Variants in MACROD2 observed in about 807,000 individuals in gnomAD.
MACROD2 encodes the protein mono-ADP ribosylhydrolase 2, also known as ADP-ribose glycohydrolase MACROD2.
In MACROD2, 36 loss-of-function variants were observed where a neutral mutation model predicts 70.4. The ratio of observed to expected loss-of-function variants is 0.51; its 90% CI spans 0.39 to 0.68. The LOEUF is 0.68. MACROD2 is among the 30% of genes least tolerant of loss of function. The pLI is 0.00. For missense variants in MACROD2, 496 were observed against 538.4 expected (o/e 0.92, Z 0.78); for synonymous variants, 172 against 178.8 (o/e 0.96, Z 0.30).
chr20:14,281,273 G>A (rs944641757), intron 3 of MACROD2, among the ~76,000 whole-genome samples: 8 of 152,168 alleles, frequency 5.3e-5, no homozygotes, highest in African/African-American at 1.9e-4. Flanking sequence ...ATTTATTACA[G>A]TATGGATAAA....
chr20:14,119,885 G>GATATGAACCAT (rs1383833124), intron 3 of MACROD2, among the ~76,000 whole-genome samples: 1 of 152,032 alleles, frequency 6.6e-6, no homozygotes, highest in East Asian at 1.9e-4. Flanking sequence ...CCCCATCTAG[G>GATATGAACCAT]CAAAGGATAT....
At chr20:15,499,979 T>G in intron 8 of MACROD2, 132 bp downstream of exon 8, 1 of 741,466 alleles carries the variant, frequency 1.3e-6, no homozygotes, top group Non-Finnish European at 2.2e-6. Context: ...CTGACCATTC[T>G]TCACTTGGGT....
intron 10 of MACROD2, among the ~76,000 whole-genome samples, chr20:15,912,285 C>T (rs1311552885): frequency 6.6e-6 from 1 of 152,192 alleles, no homozygotes; most frequent in Non-Finnish European, 1.5e-5. Context: ...TGTTCAATTG[C>T]TGTCCAATTT....
At chr20:14,861,062 G>A (rs1220861624) in intron 5 of MACROD2, among the ~76,000 whole-genome samples, 1 of 152,014 alleles carries the variant, frequency 6.6e-6, no homozygotes, top group East Asian at 1.9e-4. Context: ...GCCTAACAAA[G>A]GATCACAATA....
intron 3 of MACROD2, among the ~76,000 whole-genome samples, chr20:14,166,200 A>G (rs746285788): frequency 2.0e-5 from 3 of 152,180 alleles, no homozygotes; most frequent in Non-Finnish European, 4.4e-5. Flanking sequence ...TGATGGTCAT[A>G]GGCTTCTGAA....
chr20:15,478,206 T>G (rs974686108), intron 7 of MACROD2, among the ~76,000 whole-genome samples: 6 of 152,156 alleles, frequency 3.9e-5, no homozygotes, highest in Admixed American at 3.9e-4. Flanking sequence ...TGAGAAACCA[T>G]ATGGACCAGG....
At chr20:14,183,823 CAT>C (rs754223198) in intron 3 of MACROD2, among the ~76,000 whole-genome samples, 1 of 152,118 alleles carries the variant, frequency 6.6e-6, no homozygotes, top group Non-Finnish European at 1.5e-5. Context: ...TTGTTGGCTG[CAT>C]ATATGTCTTC....
intron 6 of MACROD2, among the ~76,000 whole-genome samples, chr20:15,406,933 C>A (rs995462929): frequency 6.6e-6 from 1 of 152,122 alleles, no homozygotes; most frequent in Non-Finnish European, 1.5e-5. Flanking sequence ...GCATGGTTGG[C>A]ACAAAGACCC....
chr20:15,688,282 G>A lies in MACROD2; in HGVS notation c.646-174463G>A, dbSNP rs531628573. 5.3e-5 allele frequency among the ~76,000 whole-genome samples: 8 copies of A among 152,060 alleles called. No homozygotes were observed. The East Asian group carries it at 5.8e-4, about 11-fold the overall frequency. On this transcript the variant is annotated intron_variant, in intron 8 of 17. Coordinates refer to ENST00000684519, the MANE Select transcript of MACROD2 (RefSeq NM_001351661.2). ...ATTTGCATTTTCTGAGGTTTCTGTC[G>A]TACCATACTCTGAATCTTCCTCAAA...
In MACROD2 at chr20:15,934,909, G is replaced by A. The variant is rs753751936; in HGVS notation, c.838+1571G>A. On this transcript the variant is annotated intron_variant, in intron 11 of 17. Transcript: ENST00000684519. ...GACAGGGTTTCACCATGTTGGTCTC[G>A]AATTCCTGATCTCAAGTGATCTGCC... Among the ~76,000 whole-genome samples the A allele has an allele frequency of 2.0e-5, 3 of 151,858 alleles. No individual in the cohort carries two copies. In the East Asian group the frequency reaches 5.8e-4, roughly 29 times the overall value.
intron 12 of MACROD2, among the ~76,000 whole-genome samples, chr20:15,958,546 A>T (rs968340931): frequency 1.3e-5 from 2 of 152,190 alleles, no homozygotes; most frequent in African/African-American, 4.8e-5. Flanking sequence ...CCCATTTCCA[A>T]ATCTATTCTG....
intron 5 of MACROD2, among the ~76,000 whole-genome samples, chr20:14,985,478 G>C (rs1775606731): frequency 6.6e-6 from 1 of 152,062 alleles, no homozygotes; most frequent in Non-Finnish European, 1.5e-5. Context: ...GGTGTGTAGA[G>C]GAAGCTCTGC....
intron 4 of MACROD2, among the ~76,000 whole-genome samples, chr20:14,623,223 G>A (rs887852177): frequency 2.6e-5 from 4 of 151,910 alleles, no homozygotes; most frequent in African/African-American, 9.7e-5. Flanking sequence ...CCATCAGGCT[G>A]ATATCTAGGG....
At chr20:15,987,190 A>G in intron 15 of MACROD2, 32 bp downstream of exon 15, 1 of 1,517,646 alleles carries the variant, frequency 6.6e-7, no homozygotes, top group East Asian at 2.3e-5. Flanking sequence ...CCCATCAAGA[A>G]TGGAGAGTTT....
chr20:15,834,247 C>T lies in MACROD2; in HGVS notation c.646-28498C>T, dbSNP rs969569464. Among the ~76,000 whole-genome samples, 11 of 152,060 alleles carry T rather than the reference C, an allele frequency of 7.2e-5. No individual in the cohort carries two copies. The East Asian group carries it at 1.5e-3, about 21-fold the overall frequency. Reference sequence around the variant, plus strand: ...CCCAGCTACTCGGGAGGCTGAGGCACGAGAATCCCTCGAACCCAGGAGGCA... The same window carrying T: ...CCCAGCTACTCGGGAGGCTGAGGCATGAGAATCCCTCGAACCCAGGAGGCA... On this transcript the variant is annotated intron_variant, in intron 8 of 17. Transcript: ENST00000684519.
chr20:14,317,780 GA>G (rs541626389), intron 3 of MACROD2, among the ~76,000 whole-genome samples: 144 of 152,180 alleles, frequency 9.5e-4, no homozygotes, highest in African/African-American at 3.3e-3. Flanking sequence ...ATGACCTTTC[GA>G]AGTCTTAATT....
At chr20:15,148,429 T>C (rs962513739) in intron 5 of MACROD2, among the ~76,000 whole-genome samples, 6 of 152,068 alleles carry the variant, frequency 3.9e-5, no homozygotes, top group African/African-American at 1.5e-4. Flanking sequence ...CAGCATAGCC[T>C]TGCCAGCAAA....
chr20:15,592,442 G>T (rs946847981), intron 8 of MACROD2, among the ~76,000 whole-genome samples: 3 of 152,178 alleles, frequency 2.0e-5, no homozygotes, highest in African/African-American at 7.2e-5. Context: ...CTGAAATTAG[G>T]CAGGAAGGCC....
At chr20:15,001,956 C>A (rs1404464088) in intron 5 of MACROD2, among the ~76,000 whole-genome samples, 1 of 152,044 alleles carries the variant, frequency 6.6e-6, no homozygotes, top group Non-Finnish European at 1.5e-5. Flanking sequence ...CACACACACA[C>A]ACACACACAC....
Sources: allele counts gnomAD v4.1 joint callset (sites outside exome capture counted in the v4.1 genomes callset), GRCh38; gene constraint gnomAD v4.1.1; transcripts MANE v1.5; gene names NCBI Gene and HGNC (gene_info 2026-07-23, HGNC 2026-07-21).